The following OPCML variants were observed in gnomAD, a reference collection of about 807,000 sequenced individuals.
The protein encoded by OPCML is opioid binding protein/cell adhesion molecule like, also known as opioid-binding protein/cell adhesion molecule.
A neutral mutation model predicts 37.8 loss-of-function variants in OPCML; 13 were observed. That is an observed-to-expected ratio of 0.34 (90% CI 0.22 to 0.55). The LOEUF (loss-of-function observed/expected upper bound fraction) is 0.55, where lower values mean the gene tolerates loss of function less well. Ranked by LOEUF, OPCML falls within the 20% of genes least tolerant of loss-of-function variation. The pLI is 0.91. For missense variants in OPCML, 341 were observed against 435.6 expected, an observed-to-expected ratio of 0.78 and a Z score of 1.93; for synonymous variants, 176 against 168.8, an observed-to-expected ratio of 1.04 and a Z score of -0.33.
intron 7 of OPCML, among the ~76,000 whole-genome samples, chr11:132,423,072 T>C (rs929645321): frequency 2.6e-5 from 4 of 152,208 alleles, no homozygotes; most frequent in Non-Finnish European, 5.9e-5. Flanking sequence ...GGAGAGATAG[T>C]TGGTGAGTAG....
At chr11:133,113,535 AAGACATAAACCC>A (rs1949289170) in intron 1 of OPCML, among the ~76,000 whole-genome samples, 2 of 152,240 alleles carry the variant, frequency 1.3e-5, no homozygotes, top group Non-Finnish European at 2.9e-5. Context: ...ACACAGAACC[AAGACATAAACCC>A]AGATTTTCTG....
intron 1 of OPCML, among the ~76,000 whole-genome samples, chr11:133,377,674 T>C (rs1443478322): frequency 6.8e-6 from 1 of 146,404 alleles, no homozygotes; most frequent in Non-Finnish European, 1.5e-5. Flanking sequence ...CATGTGCTAA[T>C]AAGAGCTCTA....
intron 1 of OPCML, chr11:133,007,860 A>G: frequency 1.0e-6 from 1 of 985,326 alleles, no homozygotes. Flanking sequence ...ATTTTAGAAC[A>G]AAAGATTGTG....
intron 2 of OPCML, among the ~76,000 whole-genome samples, chr11:132,893,024 T>C (rs1352078786): frequency 6.6e-6 from 1 of 152,156 alleles, no homozygotes; most frequent in Non-Finnish European, 1.5e-5. Flanking sequence ...ATTCCTTCCT[T>C]CTCACTCACA....
At chr11:132,646,125 G>A (rs112672976) in intron 3 of OPCML, among the ~76,000 whole-genome samples, 26 of 152,248 alleles carry the variant, frequency 1.7e-4, no homozygotes, top group African/African-American at 6.0e-4. Flanking sequence ...ATTGGGCTCA[G>A]TATATACTGC....
intron 3 of OPCML, among the ~76,000 whole-genome samples, chr11:132,569,644 T>G (rs1317731729): frequency 6.6e-6 from 1 of 152,120 alleles, no homozygotes; most frequent in Non-Finnish European, 1.5e-5. Context: ...AATATAAAAA[T>G]TAAACTTCAA....
chr11:132,883,256 T>A (rs1301812390), intron 2 of OPCML, among the ~76,000 whole-genome samples: 2 of 150,318 alleles, frequency 1.3e-5, no homozygotes, highest in African/African-American at 4.9e-5. Flanking sequence ...ATGCTGGGGG[T>A]CATGTATGCC....
intron 1 of OPCML, among the ~76,000 whole-genome samples, chr11:133,230,919 C>T (rs767027748): frequency 1.1e-4 from 17 of 152,186 alleles, no homozygotes; most frequent in Non-Finnish European, 2.2e-4. Flanking sequence ...AAGGCAAATA[C>T]TTCTGGGAGC....
intron 1 of OPCML, among the ~76,000 whole-genome samples, chr11:133,000,159 C>T (rs1416099765): frequency 6.6e-6 from 1 of 152,156 alleles, no homozygotes; most frequent in Non-Finnish European, 1.5e-5. Context: ...CAGGTTCAAA[C>T]AATTCTCCTG....
At chr11:132,639,959 A>G (rs1940750152) in intron 3 of OPCML, among the ~76,000 whole-genome samples, 1 of 152,218 alleles carries the variant, frequency 6.6e-6, no homozygotes, top group Non-Finnish European at 1.5e-5. Context: ...TTCTGAGGCA[A>G]ATGTGAGCAT....
At chr11:133,037,299 A>G (rs1947800452) in intron 1 of OPCML, among the ~76,000 whole-genome samples, 1 of 152,196 alleles carries the variant, frequency 6.6e-6, no homozygotes, top group East Asian at 1.9e-4. Flanking sequence ...AAGAAACCAA[A>G]GATTAGATTC....
chr11:133,228,187 T>C (rs1451187619), intron 1 of OPCML, among the ~76,000 whole-genome samples: 2 of 152,170 alleles, frequency 1.3e-5, no homozygotes, highest in African/African-American at 4.8e-5. Context: ...GCCGTGACAC[T>C]GTATACGTCT....
At chr11:132,512,104 A>G (rs747903721) in intron 4 of OPCML, among the ~76,000 whole-genome samples, 1 of 152,098 alleles carries the variant, frequency 6.6e-6, no homozygotes, top group African/African-American at 2.4e-5. Context: ...GCCAATGACC[A>G]TGTGAAAAAT....
chr11:132,420,373 T>C, intron 7 of OPCML, 80 bp from the exon 8 acceptor site: 3 of 1,557,414 alleles, frequency 1.9e-6, no homozygotes, highest in Non-Finnish European at 2.6e-6. Flanking sequence ...CAAATACACA[T>C]ACATGCTTCC....
chr11:133,070,447 G>A lies in OPCML; in HGVS notation c.62-127437C>T, dbSNP rs11223355. On this transcript the variant is annotated intron_variant, in intron 1 of 7. Transcript: ENST00000524381. ...GATTTCATAATCTCTACCCAGCATC[G>A]CCTGGGAGAAAGTGAATGCTGACTT... Among the ~76,000 whole-genome samples the A allele has an allele frequency of 3.5e-3, 532 of 152,218 alleles. 8 individuals carry two copies. The East Asian group carries it at 0.054, about 15-fold the overall frequency.
chr11:132,966,671 T>G (rs539487953), intron 1 of OPCML, among the ~76,000 whole-genome samples: 3 of 152,126 alleles, frequency 2.0e-5, no homozygotes, highest in Non-Finnish European at 4.4e-5. Context: ...TTATTATTGT[T>G]GAATTGGTTA....
chr11:132,776,827 A>G (rs1296436181), intron 2 of OPCML, among the ~76,000 whole-genome samples: 1 of 152,146 alleles, frequency 6.6e-6, no homozygotes, highest in Admixed American at 6.5e-5. Context: ...CCCAGGACCA[A>G]GCAGCTATGG....
intron 1 of OPCML, among the ~76,000 whole-genome samples, chr11:133,147,857 T>C (rs1424451371): frequency 1.3e-5 from 2 of 152,192 alleles, no homozygotes; most frequent in African/African-American, 4.8e-5. Flanking sequence ...CTCTGTTACT[T>C]CATCTGCAAA....
chr11:133,475,011 T>A (rs1947207368), intron 1 of OPCML, among the ~76,000 whole-genome samples: 1 of 152,100 alleles, frequency 6.6e-6, no homozygotes, highest in African/African-American at 2.4e-5. Flanking sequence ...ACCAAGAAAG[T>A]TTTTGGCAAT....
Sources: allele counts gnomAD v4.1 joint callset (sites outside exome capture counted in the v4.1 genomes callset), GRCh38; gene constraint gnomAD v4.1.1; transcripts MANE v1.5; gene names NCBI Gene and HGNC (gene_info 2026-07-23, HGNC 2026-07-21).